Variants in ACSL5 observed in about 807,000 individuals in gnomAD.
The protein encoded by ACSL5 is acyl-CoA synthetase long chain family member 5, also known as long-chain-fatty-acid--CoA ligase 5.
Under a neutral mutation model 84.9 loss-of-function variants are expected in ACSL5, and 50 were observed. The ratio of observed to expected loss-of-function variants is 0.59; its 90% CI spans 0.47 to 0.75. The LOEUF is 0.75. ACSL5 is among the 30% of genes least tolerant of loss of function. ACSL5 has a pLI of 0.00. For missense variants in ACSL5, 775 were observed against 830.4 expected (o/e 0.93, Z 0.82); for synonymous variants, 280 against 300.7 (o/e 0.93, Z 0.71).
At chr10:112,376,432 T>C (rs759966200) in intron 1 of ACSL5, 5 of 1,614,008 alleles carry the variant, frequency 3.1e-6, no homozygotes, top group Middle Eastern at 3.3e-4. Context: ...CACTGAGAGA[T>C]GCGGCCCCCT....
intron 2 of ACSL5, 106 bp from the exon 3 acceptor site, chr10:112,398,795 G>T: frequency 2.3e-6 from 2 of 870,994 alleles, no homozygotes; most frequent in South Asian, 2.8e-5. Flanking sequence ...GAACATTCCC[G>T]TGACCTCAAA....
intron 18 of ACSL5, 82 bp downstream of exon 18, chr10:112,425,563 GT>G (rs1844638722): frequency 8.9e-7 from 1 of 1,126,592 alleles, no homozygotes; most frequent in South Asian, 2.5e-5. Context: ...GTATAGTTGG[GT>G]TCAGAATGAG....
intron 20 of ACSL5, 79 bp downstream of exon 20, chr10:112,426,938 G>A (rs970143951): frequency 1.6e-6 from 2 of 1,226,766 alleles, no homozygotes; most frequent in Admixed American, 3.7e-5. Context: ...AGGTTTAAAT[G>A]TATAATTTCT....
intron 1 of ACSL5, among the ~76,000 whole-genome samples, chr10:112,394,293 T>G (rs1032733960): frequency 6.6e-6 from 1 of 152,218 alleles, no homozygotes; most frequent in Non-Finnish European, 1.5e-5. Flanking sequence ...TCCTCTGGGC[T>G]CCCTAGGTGA....
rs1178224793 is a variant in ACSL5 at position 112,401,786 on chromosome 10, CTCTTTCTTTCTTTCTTTCTT to C, written c.266-2688_266-2669del. 3.9e-3 allele frequency among the ~76,000 whole-genome samples: 461 copies of C among 119,486 alleles called. 2 individuals carry two copies. Among genetic ancestry groups the C allele is most frequent in the African/African-American group, 0.015 (431 of 28,158 alleles). The allele number at this position is 119,486 out of a possible 152,430, so 78.4% of individuals were successfully genotyped here. A position where few individuals can be genotyped will look rare whatever the true frequency, so the allele number is the denominator to read the frequency against. On this transcript the variant is annotated intron_variant, in intron 3 of 20. Coordinates refer to ENST00000354655, the MANE Select transcript of ACSL5 (RefSeq NM_203379.2). ...TTTCTTTCTTTCTTTTTCTTTCTTT[CTCTTTCTTTCTTTCTTTCTT>C]TCTTTCTTTCTTTCTTTCTTTCTTT...
rs1844763339 is a variant in ACSL5, at chr10:112,427,203, G to T, written c.1912-15G>T. ...ATCACTAATGAGCATGGATGTGTGT[G>T]TGTTCATCTTCCAGGTCAAAGCCAT... On this transcript the variant is annotated splice_polypyrimidine_tract_variant and intron_variant, in intron 20 of 20. Transcript: ENST00000354655. The T allele has an allele frequency of 6.2e-7, 1 of 1,606,792 alleles. No homozygotes were observed.
Position 112,416,488 on chromosome 10 carries a change from A to AG in ACSL5, c.1084-400_1084-399insG, listed in dbSNP as rs1459490376. On this transcript the variant is annotated intron_variant, in intron 12 of 20. Coordinates refer to ENST00000354655, the MANE Select transcript of ACSL5 (RefSeq NM_203379.2). ...TCTGTCTCAAAAAAAAAAAAAAAAAAAAAAAAATCAGATTCGTAGGCTGCC... is the reference window on the plus strand; with the variant it reads ...TCTGTCTCAAAAAAAAAAAAAAAAAAGAAAAAAATCAGATTCGTAGGCTGCC... Among the ~76,000 whole-genome samples the AG allele has an allele frequency of 5.4e-3, 812 of 151,422 alleles. 11 individuals are homozygous for AG. The highest frequency in any genetic ancestry group is 0.019 in the African/African-American group (767 of 41,138).
chr10:112,392,946 A>G (rs1347183409), intron 1 of ACSL5, among the ~76,000 whole-genome samples: 3 of 152,032 alleles, frequency 2.0e-5, no homozygotes, highest in South Asian at 4.2e-4. Flanking sequence ...CAGTCTTGTC[A>G]CAATATCCCA....
intron 1 of ACSL5, among the ~76,000 whole-genome samples, chr10:112,379,179 C>A (rs1022980048): frequency 6.6e-5 from 10 of 152,126 alleles, no homozygotes; most frequent in African/African-American, 2.4e-4. Context: ...CCGAGGCAGG[C>A]AGATCACTTG....
At chr10:112,398,649 C>T (rs969558540) in intron 2 of ACSL5, among the ~76,000 whole-genome samples, 7 of 152,160 alleles carry the variant, frequency 4.6e-5, no homozygotes, top group Admixed American at 2.0e-4. Context: ...AGGTGATCCA[C>T]CCGCCTCAGC....
Position 112,417,880 on chromosome 10 carries a change from C to T in ACSL5, c.1253C>T (p.Thr418Ile). Residue 418 changes from threonine to isoleucine, a missense_variant, in exon 14 of 21, where the codon ACT (threonine) becomes ATT (isoleucine). Thr to Ile is a moderately conservative substitution (Grantham distance 89). Coordinates refer to ENST00000354655, the MANE Select transcript of ACSL5 (RefSeq NM_203379.2). ...SLGGRVRVIVTGAAPMSTSVM... is the reference protein window; with the variant it reads ...SLGGRVRVIVIGAAPMSTSVM... ...GGCGGAAGGGTTCGTGTAATTGTCACTGGAGCTGCCCCCATGTCCACTTCA... is the reference window on the plus strand; with the variant it reads ...GGCGGAAGGGTTCGTGTAATTGTCATTGGAGCTGCCCCCATGTCCACTTCA... The T allele has an allele frequency of 6.2e-7, 1 of 1,614,004 alleles. No homozygotes were observed. The highest frequency in any genetic ancestry group is 1.1e-5 in the South Asian group (1 of 91,074).
intron 10 of ACSL5, 25 bp downstream of exon 10, chr10:112,411,554 C>T (rs1437018514): frequency 5.6e-6 from 9 of 1,594,864 alleles, no homozygotes; most frequent in Non-Finnish European, 6.9e-6. Context: ...GAAAAAGAGG[C>T]TCTCATTAAA....
Position 112,427,411 on chromosome 10 carries a change from G to T in ACSL5, c.*53G>T, listed in dbSNP as rs1844776127. ...CACTGTGCACTGCTTGTGAGAAAAT[G>T]GATTAAAAACTATTCTTACATTTGT... On this transcript the variant is annotated 3_prime_UTR_variant, in exon 21 of 21. Coordinates refer to ENST00000354655, the MANE Select transcript of ACSL5 (RefSeq NM_203379.2). 5 of 1,482,848 alleles carry T rather than the reference G, an allele frequency of 3.4e-6. No homozygotes were observed. The highest frequency in any genetic ancestry group is 2.9e-5 in the African/African-American group (2 of 69,786). 91.9% of individuals were successfully genotyped at this position (1,482,848 alleles called of 1,614,324 possible). A position where few individuals can be genotyped will look rare whatever the true frequency, so the allele number is the denominator to read the frequency against.
At chr10:112,409,769 T>A in intron 7 of ACSL5, 84 bp downstream of exon 7, 1 of 1,385,972 alleles carries the variant, frequency 7.2e-7, no homozygotes, top group Non-Finnish European at 1.0e-6. Flanking sequence ...AAGAGGACAG[T>A]GTTCTTGTTC....
intron 13 of ACSL5, among the ~76,000 whole-genome samples, chr10:112,417,324 G>A (rs939268144): frequency 3.3e-5 from 5 of 151,458 alleles, no homozygotes; most frequent in South Asian, 4.2e-4. Context: ...CCAACATGGT[G>A]AAACCCAGTC....
intron 2 of ACSL5, among the ~76,000 whole-genome samples, chr10:112,398,466 G>A (rs369853822): frequency 9.3e-5 from 14 of 151,118 alleles, no homozygotes; most frequent in East Asian, 3.9e-4. Flanking sequence ...GTGCAGTGGC[G>A]CGATCTTGCC....
At chr10:112,394,888 A>T in intron 1 of ACSL5, 30 bp from the exon 2 acceptor site, 1 of 1,605,774 alleles carries the variant, frequency 6.2e-7, no homozygotes, top group East Asian at 2.2e-5. Flanking sequence ...CATTTCCTCT[A>T]AATTTTCTTT....
At chr10:112,388,620 G>A (rs1849499889) in intron 1 of ACSL5, among the ~76,000 whole-genome samples, 1 of 152,184 alleles carries the variant, frequency 6.6e-6, no homozygotes, top group Non-Finnish European at 1.5e-5. Context: ...GGGGGCATCA[G>A]AGACACAGCA....
At chr10:112,379,238 C>G (rs1008162121) in intron 1 of ACSL5, among the ~76,000 whole-genome samples, 1 of 152,152 alleles carries the variant, frequency 6.6e-6, no homozygotes, top group African/African-American at 2.4e-5. Flanking sequence ...AACCCCATCT[C>G]TGCTAAAAAT....
Sources: allele counts gnomAD v4.1 joint callset (sites outside exome capture counted in the v4.1 genomes callset), GRCh38; gene constraint gnomAD v4.1.1; transcripts MANE v1.5; gene names NCBI Gene and HGNC (gene_info 2026-07-23, HGNC 2026-07-21).